ADAMTS9: variants seen among roughly 807,000 people sequenced by gnomAD.
The protein encoded by ADAMTS9 is A disintegrin and metalloproteinase with thrombospondin motifs 9.
In ADAMTS9, 107 loss-of-function variants were observed where a neutral mutation model predicts 257.1. The ratio of observed to expected loss-of-function variants is 0.42; its 90% CI spans 0.36 to 0.49. The LOEUF is 0.49. Among genes scored for constraint, ADAMTS9 ranks in the 20% least tolerant of loss-of-function variants. The probability of loss-of-function intolerance (pLI) is 0.03; values close to 1 mark genes in which losing one functional copy is unlikely to be tolerated. For missense variants in ADAMTS9, 2,353 were observed against 2,469.1 expected (o/e 0.95, Z 1.00); for synonymous variants, 982 against 880.9 (o/e 1.11, Z -2.03).
At chr3:64,611,929 T>C (rs57862004) in intron 22 of ADAMTS9, among the ~76,000 whole-genome samples, 3,250 of 152,306 alleles carry the variant, frequency 0.021, 104 homozygotes, top group African/African-American at 0.067. Context: ...CACTGATTTG[T>C]TCGCTTTAAA....
intron 38 of ADAMTS9, among the ~76,000 whole-genome samples, chr3:64,531,797 C>T (rs1399895260): frequency 6.6e-6 from 1 of 152,196 alleles, no homozygotes; most frequent in Non-Finnish European, 1.5e-5. Context: ...ACTTTCCCAG[C>T]TCTCTTCTTT....
chr3:64,648,525 A>G (rs1039295836), intron 10 of ADAMTS9, among the ~76,000 whole-genome samples: 5 of 152,196 alleles, frequency 3.3e-5, no homozygotes, highest in African/African-American at 1.2e-4. Flanking sequence ...TCCATTTGCT[A>G]TATTTAGCTC....
At chr3:64,522,623 T>C (rs1298619091) in intron 38 of ADAMTS9, 1 of 167,682 alleles carries the variant, frequency 6.0e-6, no homozygotes. Flanking sequence ...ATTTACCTGA[T>C]GTCTATAGCT....
chr3:64,574,275 T>C (rs1390925579), intron 28 of ADAMTS9, among the ~76,000 whole-genome samples: 1 of 152,168 alleles, frequency 6.6e-6, no homozygotes, highest in East Asian at 1.9e-4. Flanking sequence ...GATATTGGGA[T>C]AAAGAACACT....
At chr3:64,567,323 A>C (rs1228771328) in intron 29 of ADAMTS9, among the ~76,000 whole-genome samples, 1 of 152,222 alleles carries the variant, frequency 6.6e-6, no homozygotes, top group Non-Finnish European at 1.5e-5. Context: ...ATTCCCATCG[A>C]TTATCTGGAG....
intron 28 of ADAMTS9, among the ~76,000 whole-genome samples, chr3:64,580,590 G>T (rs2083973794): frequency 6.6e-6 from 1 of 152,152 alleles, no homozygotes; most frequent in Non-Finnish European, 1.5e-5. Context: ...AGTCCAGGGG[G>T]AAACTGATCC....
Position 64,541,322 on chromosome 3 carries a change from G to A in ADAMTS9, c.5385C>T (p.His1795=). ...DSENFSEVYG[H]RLHNPTECPY... is the part of the protein sequence containing the mutation. ...TCTTCTGAGCCTGGCTCTCCTACCT[G>A]TGCCCATAAACCTCGGAGAAATTCT... The change falls in exon 35 of 40, where the codon CAC becomes CAT. Residue 1795 remains histidine (H), a splice_region_variant and synonymous_variant. Transcript: ENST00000498707. 6.2e-7 allele frequency: 1 copy of A among 1,614,102 alleles called. No homozygotes were observed. The highest frequency in any genetic ancestry group is 8.5e-7 in the Non-Finnish European group (1 of 1,180,008).
chr3:64,543,850 A>T (rs1034453387), intron 32 of ADAMTS9, among the ~76,000 whole-genome samples: 30 of 152,214 alleles, frequency 2.0e-4, no homozygotes, highest in Non-Finnish European at 4.0e-4. Context: ...AGATGACATG[A>T]TTGTATATTT....
chr3:64,546,698 G>A (rs1229492007), intron 32 of ADAMTS9, 60 bp downstream of exon 32: 4 of 1,509,404 alleles, frequency 2.7e-6, no homozygotes, highest in East Asian at 2.3e-5. Flanking sequence ...GGCAGGACAT[G>A]TTTAAGACGG....
intron 37 of ADAMTS9, among the ~76,000 whole-genome samples, chr3:64,536,784 T>C (rs1023993723): frequency 2.0e-5 from 3 of 152,216 alleles, no homozygotes; most frequent in African/African-American, 7.2e-5. Context: ...TAGCTATTAA[T>C]ACCATCAATA....
At chr3:64,619,771 C>T (rs531905377) in intron 19 of ADAMTS9, among the ~76,000 whole-genome samples, 7 of 152,222 alleles carry the variant, frequency 4.6e-5, no homozygotes, top group African/African-American at 1.7e-4. Flanking sequence ...TATAAGGCTA[C>T]CCAGAAAATG....
At chr3:64,541,476 C>A (rs771035134) in intron 34 of ADAMTS9, 50 bp downstream of exon 34, 2 of 1,605,596 alleles carry the variant, frequency 1.2e-6, no homozygotes, top group Non-Finnish European at 1.7e-6. Flanking sequence ...GAGCGGTGAT[C>A]ACTCACTCTA....
At chr3:64,542,027 C>T in intron 32 of ADAMTS9, 57 bp from the exon 33 acceptor site, 1 of 1,608,398 alleles carries the variant, frequency 6.2e-7, no homozygotes. Context: ...GCATAGGCTT[C>T]TGGTGGTGTG....
intron 38 of ADAMTS9, chr3:64,522,527 T>G (rs1008136483): frequency 2.0e-5 from 6 of 302,748 alleles, no homozygotes; most frequent in Non-Finnish European, 3.7e-5. Flanking sequence ...AACCAAAAAT[T>G]ACATTTCTTG....
chr3:64,676,313 C>T (rs770896712), intron 3 of ADAMTS9, among the ~76,000 whole-genome samples: 1 of 152,158 alleles, frequency 6.6e-6, no homozygotes, highest in Non-Finnish European at 1.5e-5. Context: ...TAAATCCATG[C>T]CACTATCCCT....
At chr3:64,598,694 TG>T (rs1485691273) in intron 26 of ADAMTS9, among the ~76,000 whole-genome samples, 1 of 152,186 alleles carries the variant, frequency 6.6e-6, no homozygotes, top group Non-Finnish European at 1.5e-5. Flanking sequence ...TAATTAGCTT[TG>T]TTTGGGGACC....
chr3:64,619,459 G>A (rs999514471), intron 19 of ADAMTS9, among the ~76,000 whole-genome samples: 6 of 152,090 alleles, frequency 3.9e-5, no homozygotes, highest in African/African-American at 7.2e-5. Flanking sequence ...TTAGATTTCC[G>A]TCACTCCACT....
At chr3:64,683,570 AT>A (rs1005540254) in intron 2 of ADAMTS9, among the ~76,000 whole-genome samples, 3 of 152,000 alleles carry the variant, frequency 2.0e-5, no homozygotes, top group Non-Finnish European at 1.5e-5. Flanking sequence ...TTCTTGGAGG[AT>A]TTGGATGAGA....
chr3:64,534,167 A>G (rs2083017239), intron 37 of ADAMTS9, among the ~76,000 whole-genome samples: 1 of 152,200 alleles, frequency 6.6e-6, no homozygotes, highest in Non-Finnish European at 1.5e-5. Context: ...TTTTATAAAC[A>G]AGAAGAGAGG....
Sources: allele counts gnomAD v4.1 joint callset (sites outside exome capture counted in the v4.1 genomes callset), GRCh38; gene constraint gnomAD v4.1.1; transcripts MANE v1.5; gene names NCBI Gene and HGNC (gene_info 2026-07-23, HGNC 2026-07-21).